MECOM: variants seen among roughly 807,000 people sequenced by gnomAD.
MECOM encodes the protein histone-lysine N-methyltransferase MECOM.
A neutral mutation model predicts 116.3 loss-of-function variants in MECOM; 13 were observed. The ratio of observed to expected loss-of-function variants is 0.11; its 90% CI spans 0.07 to 0.18. MECOM has a LOEUF of 0.18. Among genes scored for constraint, MECOM ranks in the 10% least tolerant of loss-of-function variants. The pLI is 1.00. For missense variants in MECOM, 1,299 were observed against 1,509.0 expected, an observed-to-expected ratio of 0.86 and a Z score of 2.31; for synonymous variants, 528 against 535.2, an observed-to-expected ratio of 0.99 and a Z score of 0.19.
At chr3:169,207,399 A>AATTAATATCT (rs1305238167) in intron 2 of MECOM, among the ~76,000 whole-genome samples, 1 of 152,200 alleles carries the variant, frequency 6.6e-6, no homozygotes, top group Non-Finnish European at 1.5e-5. Context: ...GATAAGCTAT[A>AATTAATATCT]ATTAATATCT....
intron 2 of MECOM, among the ~76,000 whole-genome samples, chr3:169,332,535 A>T (rs1036790861): frequency 6.6e-6 from 1 of 152,054 alleles, no homozygotes; most frequent in Non-Finnish European, 1.5e-5. Context: ...GGGATATAAC[A>T]TGTATAAAAT....
chr3:169,212,634 ATGTAT>A (rs1750894737), intron 2 of MECOM, among the ~76,000 whole-genome samples: 4 of 6,054 alleles, frequency 6.6e-4, no homozygotes, highest in East Asian at 5.6e-3. Flanking sequence ...CTAGTCAGCA[ATGTAT>A]ATATATATAT....
chr3:169,663,451 C>T lies in MECOM; in HGVS notation c.-79G>A. ...ATCCTTTCCTTCTTTTGCTCTCCCT[C>T]TCGCTCCCTCCCTCTCTCTCCTGTC... On this transcript the variant is annotated 5_prime_UTR_variant, in exon 1 of 17. Transcript: ENST00000651503. 7.0e-7 allele frequency: 1 copy of T among 1,426,136 alleles called. No homozygotes were observed. Among genetic ancestry groups the T allele is most frequent in the Non-Finnish European group, 9.7e-7 (1 of 1,034,020 alleles). The allele number at this position is 1,426,136 out of a possible 1,614,324, so 88.3% of individuals were successfully genotyped here. A position where few individuals can be genotyped will look rare whatever the true frequency, so the allele number is the denominator to read the frequency against.
chr3:169,426,550 T>C (rs984783561), intron 1 of MECOM, among the ~76,000 whole-genome samples: 2 of 152,212 alleles, frequency 1.3e-5, no homozygotes, highest in African/African-American at 4.8e-5. Context: ...CCTTCTCAGT[T>C]CACTCAACCT....
chr3:169,527,850 C>T (rs1394317114), intron 1 of MECOM, among the ~76,000 whole-genome samples: 2 of 152,204 alleles, frequency 1.3e-5, no homozygotes, highest in African/African-American at 4.8e-5. Context: ...GAGCCTGGGT[C>T]ACAGCTTCAC....
intron 1 of MECOM, among the ~76,000 whole-genome samples, chr3:169,463,353 T>C (rs1747768128): frequency 6.6e-6 from 1 of 152,168 alleles, no homozygotes; most frequent in Non-Finnish European, 1.5e-5. Context: ...GTTCAGATGG[T>C]TTGTTTTAAA....
chr3:169,208,453 A>G (rs749029097), intron 2 of MECOM, among the ~76,000 whole-genome samples: 3 of 151,892 alleles, frequency 2.0e-5, no homozygotes, highest in Non-Finnish European at 4.4e-5. Flanking sequence ...TTATAATTCA[A>G]GCAGTCAAGT....
chr3:169,364,248 C>T (rs756320042), intron 2 of MECOM, among the ~76,000 whole-genome samples: 1 of 151,644 alleles, frequency 6.6e-6, no homozygotes, highest in Non-Finnish European at 1.5e-5. Context: ...AGAAAGAAGT[C>T]GACTGTTTTG....
chr3:169,202,819 C>CAAAAAA (rs11287862), intron 2 of MECOM, among the ~76,000 whole-genome samples: 8 of 90,250 alleles, frequency 8.9e-5, no homozygotes, highest in Admixed American at 1.2e-4. Flanking sequence ...TTGCCATTAG[C>CAAAAAA]AAAAAAAAAA....
intron 1 of MECOM, among the ~76,000 whole-genome samples, chr3:169,545,365 C>A (rs1021060939): frequency 6.6e-6 from 1 of 152,048 alleles, no homozygotes; most frequent in Non-Finnish European, 1.5e-5. Flanking sequence ...AATTTAAACA[C>A]CCCAGGGGTA....
chr3:169,344,771 T>C (rs1346665243), intron 2 of MECOM, among the ~76,000 whole-genome samples: 1 of 152,166 alleles, frequency 6.6e-6, no homozygotes, highest in Non-Finnish European at 1.5e-5. Flanking sequence ...TGTCTGAAAT[T>C]TGAGGAGCAA....
chr3:169,597,170 A>G (rs554774170), intron 1 of MECOM, among the ~76,000 whole-genome samples: 1 of 152,310 alleles, frequency 6.6e-6, no homozygotes, highest in African/African-American at 2.4e-5. Flanking sequence ...GAGATGTTCA[A>G]CATAAGTTTT....
chr3:169,644,313 G>A (rs1203870460), intron 1 of MECOM, among the ~76,000 whole-genome samples: 2 of 151,912 alleles, frequency 1.3e-5, no homozygotes, highest in Non-Finnish European at 2.9e-5. Flanking sequence ...CTGGAGGGCA[G>A]TGGTACAATC....
chr3:169,353,009 A>G (rs1020770062), intron 2 of MECOM, among the ~76,000 whole-genome samples: 8 of 151,890 alleles, frequency 5.3e-5, no homozygotes, highest in Non-Finnish European at 1.0e-4. Context: ...CCTCTCCCCA[A>G]AAGGGAAGTT....
intron 2 of MECOM, among the ~76,000 whole-genome samples, chr3:169,294,332 G>C (rs1020311950): frequency 8.5e-5 from 13 of 152,164 alleles, no homozygotes; most frequent in Admixed American, 7.2e-4. Context: ...GTTTCTGGGA[G>C]AGTTTGCAAT....
At position 169,584,074 on chromosome 3, in the gene MECOM, G is replaced by A. The variant is rs562635887; in HGVS notation, c.37+79262C>T. ...TTTACTCTATGAATTCCTGCTGAGAGAATATTATTTCAGTTATTTGTCTTA... is the reference window on the plus strand; with the variant it reads ...TTTACTCTATGAATTCCTGCTGAGAAAATATTATTTCAGTTATTTGTCTTA... On this transcript the variant is annotated intron_variant, in intron 1 of 16. Transcript: ENST00000651503. 2.0e-5 allele frequency among the ~76,000 whole-genome samples: 3 copies of A among 152,208 alleles called. No homozygotes were observed. In the East Asian group the frequency reaches 5.8e-4, roughly 29 times the overall value.
chr3:169,489,361 T>C (rs1041026506), intron 1 of MECOM, among the ~76,000 whole-genome samples: 1 of 152,174 alleles, frequency 6.6e-6, no homozygotes, highest in African/African-American at 2.4e-5. Flanking sequence ...TCAATCTAAA[T>C]AAAAATAGAA....
At chr3:169,125,471 C>T (rs1169525345) in intron 5 of MECOM, among the ~76,000 whole-genome samples, 1 of 151,994 alleles carries the variant, frequency 6.6e-6, no homozygotes. Context: ...TTATTCCTCC[C>T]CCTAATTCCA....
chr3:169,272,754 C>T (rs1344212395), intron 2 of MECOM, among the ~76,000 whole-genome samples: 1 of 152,140 alleles, frequency 6.6e-6, no homozygotes, highest in Non-Finnish European at 1.5e-5. Flanking sequence ...GCTGCACATT[C>T]AGTTGCACAT....
Sources: gnomAD v4.1 joint callset for allele counts (sites outside exome capture counted in the v4.1 genomes callset) on GRCh38, gnomAD v4.1.1 for gene constraint, MANE v1.5 for transcripts, NCBI Gene and HGNC (gene_info 2026-07-23, HGNC 2026-07-21) for gene names.